The following GREM2 variants were observed in gnomAD, a reference collection of about 807,000 sequenced individuals.
GREM2 encodes the protein gremlin 2, DAN family BMP antagonist, also known as gremlin-2.
A neutral mutation model predicts 14.2 loss-of-function variants in GREM2; 11 were observed. The ratio of observed to expected loss-of-function variants is 0.78; its 90% CI spans 0.49 to 1.28. The LOEUF (loss-of-function observed/expected upper bound fraction) is 1.28. GREM2 is among the 50% of genes most tolerant of loss of function. The probability of loss-of-function intolerance (pLI) is 0.00; values close to 1 mark genes in which losing one functional copy is unlikely to be tolerated. For synonymous variants in GREM2, 98 were observed against 97.6 expected (o/e 1.00, Z -0.02); for missense variants, 210 against 218.5 (o/e 0.96, Z 0.24).
intron 1 of GREM2, among the ~76,000 whole-genome samples, chr1:240,578,248 T>G (rs983351258): frequency 2.0e-5 from 3 of 151,876 alleles, no homozygotes; most frequent in Non-Finnish European, 4.4e-5. Context: ...GCCTCAGCCT[T>G]CCGAGTAGCT....
intron 1 of GREM2, among the ~76,000 whole-genome samples, chr1:240,553,521 C>T (rs1678896578): frequency 6.6e-6 from 1 of 152,172 alleles, no homozygotes; most frequent in Non-Finnish European, 1.5e-5. Flanking sequence ...TGACAGGTCT[C>T]CACATTTAAT....
At chr1:240,505,468 A>G (rs1677656809) in intron 1 of GREM2, among the ~76,000 whole-genome samples, 1 of 152,136 alleles carries the variant, frequency 6.6e-6, no homozygotes, top group Non-Finnish European at 1.5e-5. Context: ...AACTCCATTC[A>G]TGGGGCATCT....
At position 240,535,634 on chromosome 1, in the gene GREM2, A is replaced by G. The variant is rs1678454900; in HGVS notation, c.-1-42158T>C. 2.0e-5 allele frequency among the ~76,000 whole-genome samples: 3 copies of G among 152,094 alleles called. No individual in the cohort carries two copies. The South Asian group carries it at 6.2e-4, about 32-fold the overall frequency. ...GGCCAACTGGTGAAACCCTGTCTCT[A>G]CTAAAAATACAAGAATTAGCCAGGT... On this transcript the variant is annotated intron_variant, in intron 1 of 1. Transcript: ENST00000318160.
chr1:240,516,335 T>C (rs560101749), intron 1 of GREM2, among the ~76,000 whole-genome samples: 77 of 152,242 alleles, frequency 5.1e-4, no homozygotes, highest in Admixed American at 9.2e-4. Flanking sequence ...TTCACAGTTA[T>C]GAGTAACTGT....
rs1444886307 is a variant in GREM2, at chr1:240,543,671, T to TA, written c.-1-50196dup. On this transcript the variant is annotated intron_variant, in intron 1 of 1. Coordinates refer to ENST00000318160, the MANE Select transcript of GREM2 (RefSeq NM_022469.4). This position sits in a 1 kb window ranked among gnomAD's most constrained non-coding sequence, Gnocchi z 6.4. The stretch of plus-strand genomic sequence containing the variant: ...AGTTTTAGGAACAAAGCATACCTTT[T>TA]AAAAAAATTGATGTAAACACAAAAT... 2.0e-5 allele frequency among the ~76,000 whole-genome samples: 3 copies of TA among 152,252 alleles called. No homozygotes were observed. The highest frequency in any genetic ancestry group is 2.1e-4 in the South Asian group (1 of 4,828).
At chr1:240,538,786 T>G (rs1572389086) in intron 1 of GREM2, among the ~76,000 whole-genome samples, 1 of 152,322 alleles carries the variant, frequency 6.6e-6, no homozygotes, top group South Asian at 2.1e-4. Context: ...TGTACTCGAC[T>G]AATACCAATT....
At chr1:240,556,141 A>C (rs1678949605) in intron 1 of GREM2, among the ~76,000 whole-genome samples, 1 of 152,212 alleles carries the variant, frequency 6.6e-6, no homozygotes, top group African/African-American at 2.4e-5. Context: ...AAGTAGCTTT[A>C]TAAAGAATAT....
chr1:240,581,564 TTTAG>T (rs1390779337), intron 1 of GREM2, among the ~76,000 whole-genome samples: 27 of 152,228 alleles, frequency 1.8e-4, no homozygotes, highest in African/African-American at 6.5e-4. Context: ...ATGAGTAACT[TTTAG>T]TTAAATTAAT....
At chr1:240,524,422 A>T (rs186083668) in intron 1 of GREM2, among the ~76,000 whole-genome samples, 80 of 152,372 alleles carry the variant, frequency 5.3e-4, no homozygotes, top group African/African-American at 1.9e-3. Flanking sequence ...GAGATAGAAT[A>T]GGGAGTTCAG....
intron 1 of GREM2, among the ~76,000 whole-genome samples, chr1:240,601,969 G>A (rs1679934248): frequency 6.6e-6 from 1 of 150,496 alleles, no homozygotes; most frequent in African/African-American, 2.4e-5. Context: ...CATATAGTAA[G>A]TGCTCAATAA....
At position 240,494,880 on chromosome 1, in the gene GREM2, G is replaced by A. The variant is rs1004156342; in HGVS notation, c.-1-1404C>T. Among the ~76,000 whole-genome samples the A allele has an allele frequency of 1.4e-4, 22 of 151,928 alleles. 1 individual carries two copies. Among genetic ancestry groups the A allele is most frequent in the Non-Finnish European group, 3.2e-4 (22 of 67,988 alleles). ...GGCGTCACTGTATTCCAGCCTGTGC[G>A]ACAGAGTGAGACTCCGGCTCAGAAA... On this transcript the variant is annotated intron_variant, in intron 1 of 1. Coordinates refer to ENST00000318160, the MANE Select transcript of GREM2 (RefSeq NM_022469.4).
At chr1:240,557,910 G>C (rs1381219610) in intron 1 of GREM2, among the ~76,000 whole-genome samples, 1 of 151,628 alleles carries the variant, frequency 6.6e-6, no homozygotes, top group Non-Finnish European at 1.5e-5. Flanking sequence ...GTTTGAGGCT[G>C]AAAAAAAGGT....
intron 1 of GREM2, among the ~76,000 whole-genome samples, chr1:240,495,465 G>A (rs76042681): frequency 0.034 from 5,141 of 152,058 alleles, 315 homozygotes; most frequent in African/African-American, 0.12. Context: ...AATTTTTTAC[G>A]TCTTAAATAT....
Position 240,492,588 on chromosome 1 carries a change from G to A in GREM2, c.*381C>T, listed in dbSNP as rs1403031259. Reference sequence around the variant, plus strand: ...TCGCGCGGGAAAGGGGCGAGCTGGAGTGCAGGGCGGGGCCAGGGAAATCCT... The same window carrying A: ...TCGCGCGGGAAAGGGGCGAGCTGGAATGCAGGGCGGGGCCAGGGAAATCCT... On this transcript the variant is annotated 3_prime_UTR_variant, in exon 2 of 2. Coordinates refer to ENST00000318160, the MANE Select transcript of GREM2 (RefSeq NM_022469.4). 4.9e-5 allele frequency: 8 copies of A among 163,226 alleles called. No individual in the cohort carries two copies. The highest frequency in any genetic ancestry group is 1.3e-4 in the Admixed American group (2 of 15,968). 10.1% of individuals were successfully genotyped at this position (163,226 alleles called of 1,614,324 possible).
chr1:240,547,977 C>T (rs1010215701), intron 1 of GREM2, among the ~76,000 whole-genome samples: 5 of 151,902 alleles, frequency 3.3e-5, no homozygotes, highest in South Asian at 2.1e-4. Flanking sequence ...TAAAGAAAGA[C>T]GCGGCTGGGC....
chr1:240,544,348 C>T (rs866263198), intron 1 of GREM2, among the ~76,000 whole-genome samples: 2 of 152,060 alleles, frequency 1.3e-5, no homozygotes, highest in Non-Finnish European at 2.9e-5. Context: ...GGGGTTTCAC[C>T]ATGTTAGCCA....
chr1:240,562,864 A>C (rs763391392), intron 1 of GREM2, among the ~76,000 whole-genome samples: 8 of 146,588 alleles, frequency 5.5e-5, no homozygotes, highest in African/African-American at 2.1e-4. Flanking sequence ...GTGTATGTGT[A>C]TATGTGAGTG....
intron 1 of GREM2, among the ~76,000 whole-genome samples, chr1:240,562,956 G>C (rs200650467): frequency 8.3e-5 from 11 of 133,108 alleles, no homozygotes; most frequent in African/African-American, 4.1e-4. Context: ...GTGTGTATGT[G>C]TGTGAGTGTG....
At chr1:240,533,474 T>A (rs139698048) in intron 1 of GREM2, among the ~76,000 whole-genome samples, 81 of 152,334 alleles carry the variant, frequency 5.3e-4, no homozygotes, top group African/African-American at 1.8e-3. Flanking sequence ...TATAGAACTC[T>A]ATCCTGAAGA....
Sources: gnomAD v4.1 joint callset for allele counts (sites outside exome capture counted in the v4.1 genomes callset) on GRCh38, gnomAD v4.1.1 for gene constraint, Gnocchi (gnomAD v3.1) non-coding constraint, MANE v1.5 for transcripts, NCBI Gene and HGNC (gene_info 2026-07-23, HGNC 2026-07-21) for gene names.